The following SLMAP variants were observed in gnomAD, a reference collection of about 807,000 sequenced individuals.
The protein encoded by SLMAP is sarcolemma associated protein, also known as sarcolemmal membrane-associated protein.
A neutral mutation model predicts 128.8 loss-of-function variants in SLMAP; 44 were observed. The ratio of observed to expected loss-of-function variants is 0.34; its 90% CI spans 0.27 to 0.44. The LOEUF (loss-of-function observed/expected upper bound fraction) is 0.44, where lower values mean the gene tolerates loss of function less well. Ranked by LOEUF, SLMAP falls within the 20% of genes least tolerant of loss-of-function variation. SLMAP has a pLI of 1.00. For missense variants in SLMAP, 787 were observed against 985.3 expected, an observed-to-expected ratio of 0.80 and a Z score of 2.69; for synonymous variants, 327 against 348.8, an observed-to-expected ratio of 0.94 and a Z score of 0.70.
At position 57,780,898 on chromosome 3, in the gene SLMAP, C is replaced by T. The variant is rs537397177; in HGVS notation, c.198+23049C>T. On this transcript the variant is annotated intron_variant, in intron 2 of 24. Transcript: ENST00000671191. ...GCTCAAGTGATCTACCCACCTCAGA[C>T]TCCCCAAGTACTGGGATTACAGGTG... Among the ~76,000 whole-genome samples the T allele has an allele frequency of 9.2e-5, 14 of 152,036 alleles. No homozygotes were observed. In the East Asian group the frequency reaches 1.4e-3, roughly 15 times the overall value.
chr3:57,919,312 C>T (rs1019709096), intron 22 of SLMAP, among the ~76,000 whole-genome samples: 8 of 150,354 alleles, frequency 5.3e-5, no homozygotes, highest in African/African-American at 2.0e-4. Flanking sequence ...ACCCGGGAGG[C>T]GGAGGTTGTG....
chr3:57,825,250 A>G (rs1475496390), intron 2 of SLMAP, among the ~76,000 whole-genome samples: 3 of 151,236 alleles, frequency 2.0e-5, no homozygotes, highest in African/African-American at 7.3e-5. Flanking sequence ...TTCTTTCTAG[A>G]CAAGAAACTT....
chr3:57,866,260 G>C lies in SLMAP; in HGVS notation c.1237+968G>C, dbSNP rs1416141573. Reference sequence around the variant, plus strand: ...GCACTCCAGCCTGGGTGACGAGCAAGGCCCTGTCTTTAAAAAAGAAAAGAA... The same window carrying C: ...GCACTCCAGCCTGGGTGACGAGCAACGCCCTGTCTTTAAAAAAGAAAAGAA... On this transcript the variant is annotated intron_variant, in intron 13 of 24. Coordinates refer to ENST00000671191, the MANE Select transcript of SLMAP (RefSeq NM_001377540.1). 5.4e-5 allele frequency among the ~76,000 whole-genome samples: 8 copies of C among 148,432 alleles called. No homozygotes were observed. The East Asian group carries it at 9.7e-4, about 18-fold the overall frequency.
intron 2 of SLMAP, among the ~76,000 whole-genome samples, chr3:57,758,982 T>C (rs986080812): frequency 6.6e-6 from 1 of 152,192 alleles, no homozygotes; most frequent in Non-Finnish European, 1.5e-5. Flanking sequence ...TCTTCAAGAA[T>C]ATGTTTTGAA....
chr3:57,848,796 G>C (rs1477830122), intron 5 of SLMAP, among the ~76,000 whole-genome samples: 1 of 134,458 alleles, frequency 7.4e-6, no homozygotes, highest in African/African-American at 2.8e-5. Flanking sequence ...TGCAACCTCC[G>C]CCTTCGAGGT....
At chr3:57,795,779 T>C (rs1425344698) in intron 2 of SLMAP, among the ~76,000 whole-genome samples, 5 of 151,966 alleles carry the variant, frequency 3.3e-5, no homozygotes, top group Admixed American at 2.6e-4. Context: ...TTCCAGAACT[T>C]TTTCATCATC....
At chr3:57,855,711 T>TAAAAA (rs562768502) in intron 6 of SLMAP, among the ~76,000 whole-genome samples, 93 of 110,800 alleles carry the variant, frequency 8.4e-4, no homozygotes, top group East Asian at 4.1e-3. Context: ...CCCCATCTGT[T>TAAAAA]AAAAAAAAAA....
In SLMAP at chr3:57,858,120, G is replaced by A. The variant is rs767133081; in HGVS notation, c.648G>A (p.Arg216=). 1 of 1,602,530 alleles carries A rather than the reference G, an allele frequency of 6.2e-7. No individual in the cohort carries two copies. The highest frequency in any genetic ancestry group is 8.5e-7 in the Non-Finnish European group (1 of 1,169,702). ...ALIDEDRLLS[R]LEVMGNQLQA... ...TAGATGAAGATAGACTCTTATCACGGTTAGAAGTTATGGGAAACCAATTAC... is the reference window on the plus strand; with the variant it reads ...TAGATGAAGATAGACTCTTATCACGATTAGAAGTTATGGGAAACCAATTAC... The change falls in exon 8 of 25, where the codon CGG becomes CGA. Residue 216 remains arginine, a synonymous_variant. Transcript: ENST00000671191.
chr3:57,922,910 C>G lies in SLMAP; in HGVS notation c.2332C>G (p.Leu778Val), dbSNP rs1251605930. The G allele has an allele frequency of 1.2e-6, 2 of 1,613,068 alleles. No individual in the cohort carries two copies. Among genetic ancestry groups the G allele is most frequent in the Non-Finnish European group, 1.7e-6 (2 of 1,179,852 alleles). Residue 778 changes from leucine to valine, a missense_variant, in exon 23 of 25, where the codon CTC becomes GTC. Leu to Val is a conservative substitution (Grantham distance 32). Coordinates refer to ENST00000671191, the MANE Select transcript of SLMAP (RefSeq NM_001377540.1). ...TTAGTATGAAAAGACACAGACTGTA[C>G]TCTCAGAACTGAAGTTGAAGTTTGA... ...QKEYEKTQTV[L>V]SELKLKFEMT...
At chr3:57,843,610 AT>A (rs1052122900) in intron 4 of SLMAP, among the ~76,000 whole-genome samples, 2 of 151,270 alleles carry the variant, frequency 1.3e-5, no homozygotes, top group African/African-American at 4.9e-5. Context: ...CTGGCCAATA[AT>A]TTTTAAATGA....
chr3:57,785,631 G>A (rs1372248583), intron 2 of SLMAP, among the ~76,000 whole-genome samples: 1 of 152,162 alleles, frequency 6.6e-6, no homozygotes, highest in Non-Finnish European at 1.5e-5. Flanking sequence ...CTGTGAGGAA[G>A]CATGTGAATT....
chr3:57,900,160 T>C lies in SLMAP; in HGVS notation c.1501+3228T>C, dbSNP rs2096341527. ...TCCTCATTCAAACTTTGTGCCTGACTTCCCGAACCATTATTTTCAAGTTTT... is the reference window on the plus strand; with the variant it reads ...TCCTCATTCAAACTTTGTGCCTGACCTCCCGAACCATTATTTTCAAGTTTT... On this transcript the variant is annotated intron_variant, in intron 17 of 24. Transcript: ENST00000671191. 4.6e-5 allele frequency: 7 copies of C among 152,338 alleles called. 1 individual carries two copies. The South Asian group carries it at 1.4e-3, about 32-fold the overall frequency. The allele number at this position is 152,338 out of a possible 1,614,324, so 9.4% of individuals were successfully genotyped here. A position where few individuals can be genotyped will look rare whatever the true frequency, so the allele number is the denominator to read the frequency against.
intron 5 of SLMAP, among the ~76,000 whole-genome samples, chr3:57,847,748 T>C (rs898716809): frequency 2.0e-5 from 3 of 152,252 alleles, no homozygotes; most frequent in African/African-American, 7.2e-5. Context: ...TATTCAATTA[T>C]AGGTTTCATT....
intron 9 of SLMAP, 124 bp from the exon 10 acceptor site, chr3:57,861,825 C>A (rs2095079850): frequency 1.3e-6 from 1 of 746,892 alleles, no homozygotes. Flanking sequence ...ATTTAAAGTC[C>A]AGGGCAGATG....
chr3:57,798,122 G>A (rs2087226398), intron 2 of SLMAP, among the ~76,000 whole-genome samples: 1 of 152,148 alleles, frequency 6.6e-6, no homozygotes, highest in South Asian at 2.1e-4. Flanking sequence ...TAATTTTATT[G>A]GTATGTAAGC....
At position 57,839,856 on chromosome 3, in the gene SLMAP, A is replaced by G. The variant is rs1322032422; in HGVS notation, c.347-1443A>G. Among the ~76,000 whole-genome samples the G allele has an allele frequency of 3.3e-5, 5 of 151,314 alleles. No individual in the cohort carries two copies. The East Asian group carries it at 9.7e-4, about 29-fold the overall frequency. Reference sequence around the variant, plus strand: ...AGGCATAAGCCACCATGCCTGGCCTAATTTTTGTATTTTTAGTAGAGGGGT... The same window carrying G: ...AGGCATAAGCCACCATGCCTGGCCTGATTTTTGTATTTTTAGTAGAGGGGT... On this transcript the variant is annotated intron_variant, in intron 3 of 24. Transcript: ENST00000671191.
Position 57,831,369 on chromosome 3 carries a change from G to GTT in SLMAP, c.199-6_199-5dup, listed in dbSNP as rs199960887. ...TAATATTTGGCCCTTTTTTGTTTTT[G>GTT]TTTTTTTTTGCAGTTTTATCTTCAA... On this transcript the variant is annotated splice_polypyrimidine_tract_variant and intron_variant, in intron 2 of 24. Coordinates refer to ENST00000671191, the MANE Select transcript of SLMAP (RefSeq NM_001377540.1). 2.2e-5 allele frequency: 31 copies of GTT among 1,428,060 alleles called. No individual in the cohort carries two copies. The highest frequency in any genetic ancestry group is 7.3e-5 in the South Asian group (5 of 68,326). The allele number at this position is 1,428,060 out of a possible 1,614,324, so 88.5% of individuals were successfully genotyped here. A position where few individuals can be genotyped will look rare whatever the true frequency, so the allele number is the denominator to read the frequency against.
At chr3:57,920,099 C>T (rs1325824162) in intron 22 of SLMAP, among the ~76,000 whole-genome samples, 1 of 152,136 alleles carries the variant, frequency 6.6e-6, no homozygotes, top group African/African-American at 2.4e-5. Flanking sequence ...CTTTATTAGT[C>T]CCTGTTAAGA....
intron 4 of SLMAP, among the ~76,000 whole-genome samples, chr3:57,846,793 A>G (rs1228646088): frequency 6.6e-6 from 1 of 152,070 alleles, no homozygotes; most frequent in Non-Finnish European, 1.5e-5. Context: ...TCCAGACCTC[A>G]GGTGATCCTC....
Sources: gnomAD v4.1 joint callset for allele counts (sites outside exome capture counted in the v4.1 genomes callset) on GRCh38, gnomAD v4.1.1 for gene constraint, MANE v1.5 for transcripts, NCBI Gene and HGNC (gene_info 2026-07-23, HGNC 2026-07-21) for gene names.